The following EXOSC9 variants were observed in gnomAD, a reference collection of about 807,000 sequenced individuals.
EXOSC9 encodes the protein exosome complex component RRP45.
Under a neutral mutation model 56.5 loss-of-function variants are expected in EXOSC9, and 38 were observed. The ratio of observed to expected loss-of-function variants is 0.67; its 90% CI spans 0.52 to 0.88. The LOEUF (loss-of-function observed/expected upper bound fraction) is 0.88. Among genes scored for constraint, EXOSC9 ranks in the 40% least tolerant of loss-of-function variants. EXOSC9 has a pLI of 0.00. For missense variants in EXOSC9, 559 were observed against 530.5 expected, an observed-to-expected ratio of 1.05 and a Z score of -0.53; for synonymous variants, 170 against 170.8, an observed-to-expected ratio of 0.99 and a Z score of 0.04.
Position 121,801,388 on chromosome 4 carries a change from C to G in EXOSC9, c.-37C>G, listed in dbSNP as rs1252858074. The G allele has an allele frequency of 6.2e-7, 1 of 1,601,086 alleles. No homozygotes were observed. The highest frequency in any genetic ancestry group is 8.6e-7 in the Non-Finnish European group (1 of 1,168,304). On this transcript the variant is annotated 5_prime_UTR_variant, in exon 1 of 12. Coordinates refer to ENST00000243498, the MANE Select transcript of EXOSC9 (RefSeq NM_005033.3). ...GAAAGATCGGGTTCCGTTTTTCCCG[C>G]GGATTCTGGTGCCTGTGGGGCCGGT...
At position 121,809,989 on chromosome 4, in the gene EXOSC9, A is replaced by C. The variant is rs905668353; in HGVS notation, c.628A>C (p.Asn210His). The change falls in exon 7 of 12, where the codon AAT (asparagine) becomes CAT (histidine). Residue 210 changes from asparagine to histidine, a missense_variant. Asn to His is a moderately conservative substitution (Grantham distance 68, BLOSUM62 1). Coordinates refer to ENST00000243498, the MANE Select transcript of EXOSC9 (RefSeq NM_005033.3). ...CAGAACATATTTATTGGTGGATCCC[A>C]ATGAACGAGAAGAACGTGTGATGGA... is the stretch of plus-strand genomic sequence containing the variant. ...QQGTYLLVDP[N>H]EREERVMDGL... 15 of 1,614,036 alleles carry C rather than the reference A, an allele frequency of 9.3e-6. No homozygotes were observed. The highest frequency in any genetic ancestry group is 1.2e-5 in the Non-Finnish European group (14 of 1,180,004).
chr4:121,801,376 C>G lies in EXOSC9; in HGVS notation c.-49C>G. 1 of 1,558,984 alleles carries G rather than the reference C, an allele frequency of 6.4e-7. No individual in the cohort carries two copies. The highest frequency in any genetic ancestry group is 1.1e-5 in the South Asian group (1 of 89,930). On this transcript the variant is annotated 5_prime_UTR_variant, in exon 1 of 12. Coordinates refer to ENST00000243498, the MANE Select transcript of EXOSC9 (RefSeq NM_005033.3). ...GCGGCGCGCAAGGAAAGATCGGGTT[C>G]CGTTTTTCCCGCGGATTCTGGTGCC...
chr4:121,810,774 G>A (rs1727189102), intron 7 of EXOSC9, among the ~76,000 whole-genome samples: 1 of 152,130 alleles, frequency 6.6e-6, no homozygotes, highest in Non-Finnish European at 1.5e-5. Flanking sequence ...TGAGGTGGGA[G>A]GATTGCTTGA....
intron 5 of EXOSC9, among the ~76,000 whole-genome samples, chr4:121,806,506 C>G (rs1006801299): frequency 1.3e-5 from 2 of 151,794 alleles, no homozygotes; most frequent in African/African-American, 4.8e-5. Context: ...AAAATTCTAG[C>G]AATTCCATGC....
Position 121,804,697 on chromosome 4 carries a change from A to T in EXOSC9, c.460A>T (p.Ile154Phe). 6.2e-7 allele frequency: 1 copy of T among 1,612,620 alleles called. No individual in the cohort carries two copies. Among genetic ancestry groups the T allele is most frequent in the Non-Finnish European group, 8.5e-7 (1 of 1,178,766 alleles). ...TATTGATGCTGCCAGCATTGCTGCA[A>T]TCGTGGCCTTATGTCATTTCCGAAG... ...NIIDAASIAA[I>F]VALCHFRRPD... The change falls in exon 5 of 12, where the codon ATC becomes TTC. Residue 154 changes from isoleucine to phenylalanine, a missense_variant. Ile to Phe is a conservative substitution (Grantham distance 21). Coordinates refer to ENST00000243498, the MANE Select transcript of EXOSC9 (RefSeq NM_005033.3).
chr4:121,813,119 C>G (rs927989540), intron 8 of EXOSC9, 115 bp from the exon 9 acceptor site: 2 of 952,338 alleles, frequency 2.1e-6, no homozygotes, highest in African/African-American at 3.3e-5. Context: ...TAACTCTCTT[C>G]CAATATTTTT....
At chr4:121,803,068 T>C (rs1208823125) in intron 4 of EXOSC9, 51 bp downstream of exon 4, 1 of 1,226,520 alleles carries the variant, frequency 8.2e-7, no homozygotes. Flanking sequence ...CTGTTGATCA[T>C]GGATCCCGGT....
rs550747951 is a variant in EXOSC9 at position 121,804,706 on chromosome 4, T to G, written c.469T>G (p.Leu157Val). Residue 157 changes from leucine (L) to valine (V), a missense_variant, in exon 5 of 12, where the codon TTA becomes GTA. By Grantham distance (32) the Leu-to-Val change is conservative (BLOSUM62 1). Coordinates refer to ENST00000243498, the MANE Select transcript of EXOSC9 (RefSeq NM_005033.3). ...DAASIAAIVA[L>V]CHFRRPDVSV... ...TGCCAGCATTGCTGCAATCGTGGCC[T>G]TATGTCATTTCCGAAGACCTGATGT... 1 of 1,613,106 alleles carries G rather than the reference T, an allele frequency of 6.2e-7. No individual in the cohort carries two copies. Among genetic ancestry groups the G allele is most frequent in the South Asian group, 1.1e-5 (1 of 90,920 alleles).
chr4:121,813,994 T>G lies in EXOSC9; in HGVS notation c.1103T>G (p.Leu368Arg). 3.7e-6 allele frequency: 6 copies of G among 1,613,904 alleles called. No individual in the cohort carries two copies. The highest frequency in any genetic ancestry group is 5.1e-6 in the Non-Finnish European group (6 of 1,179,880). ...GGCGGTGGTGATCAAGCTATCATTC[T>G]TGATGGTATAAAAATGGACACTGGA... ...DEGGGDQAIILDGIKMDTGVE... is the reference protein window; with the variant it reads ...DEGGGDQAIIRDGIKMDTGVE... The change falls in exon 10 of 12, where the codon CTT becomes CGT. Residue 368 changes from leucine to arginine, a missense_variant. Transcript: ENST00000243498.
Position 121,816,434 on chromosome 4 carries a change from C to T in EXOSC9, c.1222C>T (p.Pro408Ser), listed in dbSNP as rs1396260636. 1 of 1,573,418 alleles carries T rather than the reference C, an allele frequency of 6.4e-7. No individual in the cohort carries two copies. Among genetic ancestry groups the T allele is most frequent in the Non-Finnish European group, 8.6e-7 (1 of 1,158,290 alleles). Residue 408 changes from proline (P) to serine (S), a missense_variant, in exon 11 of 12, where the codon CCA becomes TCA. Transcript: ENST00000243498. ...EMIILEPDKNPKKIRTQTTSA... is the reference protein window; with the variant it reads ...EMIILEPDKNSKKIRTQTTSA... ...GATCATTTTGGAACCAGACAAGAAT[C>T]CAAAGAAAATAAGGTAACAAATTTC...
Position 121,813,888 on chromosome 4 carries a change from ACT to A in EXOSC9, c.999_1000del (p.Pro334TrpfsTer15), listed in dbSNP as rs762048513. The A allele has an allele frequency of 4.5e-5, 73 of 1,612,392 alleles. No individual in the cohort carries two copies. The highest frequency in any genetic ancestry group is 3.4e-6 in the Non-Finnish European group (4 of 1,178,912). ...AAGTGTTTCTACACCTGTGCTATGGACTCCTGGAACTGCCCAAATTGGAGAGG... is the reference window on the plus strand; with the variant it reads ...AAGTGTTTCTACACCTGTGCTATGGACCTGGAACTGCCCAAATTGGAGAGG... The part of the protein sequence containing the change: ...SEVVSTPVLW[T>X]PGTAQIGEGV... On this transcript the variant is annotated frameshift_variant, in exon 10 of 12. Coordinates refer to ENST00000243498, the MANE Select transcript of EXOSC9 (RefSeq NM_005033.3). LOFTEE classifies it high-confidence loss of function.
At chr4:121,813,822 C>G in intron 9 of EXOSC9, 44 bp from the exon 10 acceptor site, 2 of 1,360,706 alleles carry the variant, frequency 1.5e-6, no homozygotes, top group Middle Eastern at 3.7e-4. Flanking sequence ...AACAGTTCAT[C>G]AAATAGCAAT....
At chr4:121,813,151 A>G (rs1222269010) in intron 8 of EXOSC9, 83 bp from the exon 9 acceptor site, 4 of 1,277,932 alleles carry the variant, frequency 3.1e-6, no homozygotes, top group Non-Finnish European at 4.3e-6. Flanking sequence ...GGATAAAATA[A>G]TAGTTTTTTT....
chr4:121,806,152 A>C (rs1727015760), intron 5 of EXOSC9, among the ~76,000 whole-genome samples: 1 of 145,466 alleles, frequency 6.9e-6, no homozygotes, highest in African/African-American at 2.6e-5. Flanking sequence ...TGACCTTGTA[A>C]TTTTTTTTTT....
chr4:121,816,359 A>ATT lies in EXOSC9; in HGVS notation c.1157-10_1157-9insTT. ...TTTTTTTTTTTTTTTAAATTAATAA[A>ATT]AAAACAAAGATGCTCCCATAATACT... On this transcript the variant is annotated splice_polypyrimidine_tract_variant and intron_variant, in intron 10 of 11. Transcript: ENST00000243498. 6.8e-7 allele frequency: 1 copy of ATT among 1,472,070 alleles called. No homozygotes were observed. The highest frequency in any genetic ancestry group is 2.4e-5 in the East Asian group (1 of 42,448). The allele number at this position is 1,472,070 out of a possible 1,614,324, so 91.2% of individuals were successfully genotyped here.
At position 121,802,985 on chromosome 4, in the gene EXOSC9, A is replaced by G. The variant is rs1726914595; in HGVS notation, c.352A>G (p.Thr118Ala). The G allele has an allele frequency of 1.2e-6, 2 of 1,613,782 alleles. No individual in the cohort carries two copies. The highest frequency in any genetic ancestry group is 1.7e-6 in the Non-Finnish European group (2 of 1,179,772). The change falls in exon 4 of 12, where the codon ACT becomes GCT. Residue 118 changes from threonine (T) to alanine (A), a missense_variant. Coordinates refer to ENST00000243498, the MANE Select transcript of EXOSC9 (RefSeq NM_005033.3). ...TCTAAGAAATTCGAAGTGTATAGAC[A>G]CTGAGTCTCTCTGTGTTGTTGCTGG... is the stretch of plus-strand genomic sequence containing the variant. ...RCLRNSKCIDTESLCVVAGEK... is the reference protein window; with the variant it reads ...RCLRNSKCIDAESLCVVAGEK...
chr4:121,810,136 T>A, intron 7 of EXOSC9, 37 bp downstream of exon 7: 1 of 1,588,886 alleles, frequency 6.3e-7, no homozygotes, highest in Non-Finnish European at 8.6e-7. Context: ...AATAATAGGT[T>A]GCTTCTCTTT....
At chr4:121,810,639 G>A (rs1727185619) in intron 7 of EXOSC9, among the ~76,000 whole-genome samples, 1 of 152,090 alleles carries the variant, frequency 6.6e-6, no homozygotes, top group Non-Finnish European at 1.5e-5. Flanking sequence ...CTGAGATCGT[G>A]CCATTGTTCT....
intron 1 of EXOSC9, 26 bp from the exon 2 acceptor site, chr4:121,801,801 A>C: frequency 6.3e-7 from 1 of 1,576,332 alleles, no homozygotes; most frequent in Non-Finnish European, 8.7e-7. Context: ...GAAGGAATAA[A>C]TTAATGAATG....
Sources: allele counts gnomAD v4.1 joint callset (sites outside exome capture counted in the v4.1 genomes callset), GRCh38; gene constraint gnomAD v4.1.1; transcripts MANE v1.5; gene names NCBI Gene and HGNC (gene_info 2026-07-23, HGNC 2026-07-21).